The following BLTP3A variants were observed in gnomAD, a reference collection of about 807,000 sequenced individuals.
BLTP3A encodes ICBP90 binding protein 1.
the BLTP3A span, chr6:34,863,955 A>G: frequency 6.6e-7 from 1 of 1,524,942 alleles, no homozygotes; most frequent in East Asian, 2.3e-5. Flanking sequence ...GGGAATAAAC[A>G]TGTCTCCAAA....
the BLTP3A span, chr6:34,872,585 C>A: frequency 9.8e-7 from 1 of 1,015,960 alleles, no homozygotes; most frequent in Non-Finnish European, 1.4e-6. Flanking sequence ...TGTGGGTGTG[C>A]TTTCCACTAG....
chr6:34,834,452 AAGTC>A, the BLTP3A span: 2 of 1,599,236 alleles, frequency 1.3e-6, no homozygotes, highest in Non-Finnish European at 1.7e-6. Context: ...GGAATATTCA[AAGTC>A]AGACTGATTC....
chr6:34,828,321 C>T, the BLTP3A span, among the ~76,000 whole-genome samples: 3 of 151,616 alleles, frequency 2.0e-5, no homozygotes, highest in Non-Finnish European at 2.9e-5. Context: ...CATGGTGGCA[C>T]GCGCCTGTAA....
At chr6:34,835,221 A>G in the BLTP3A span, 1 of 1,517,602 alleles carries the variant, frequency 6.6e-7, no homozygotes, top group Non-Finnish European at 9.0e-7. Context: ...TCTGAAACTG[A>G]TTGGGCAACA....
chr6:34,820,426 T>G, the BLTP3A span, among the ~76,000 whole-genome samples: 3 of 152,136 alleles, frequency 2.0e-5, no homozygotes, highest in South Asian at 6.2e-4. Flanking sequence ...TGTCAGTTAC[T>G]GTTGTCAAAT....
the BLTP3A span, among the ~76,000 whole-genome samples, chr6:34,811,309 A>G: frequency 1.3e-5 from 2 of 152,238 alleles, no homozygotes; most frequent in Non-Finnish European, 2.9e-5. Context: ...AAAAAGACCT[A>G]GAATGGTCAG....
At chr6:34,858,574 C>T in the BLTP3A span, 41 of 1,614,182 alleles carry the variant, frequency 2.5e-5, no homozygotes, top group Admixed American at 1.3e-4. Context: ...AGCCCAGGCA[C>T]GGAAGCTTCT....
chr6:34,840,326 G>T, the BLTP3A span, among the ~76,000 whole-genome samples: 1 of 151,710 alleles, frequency 6.6e-6, no homozygotes, highest in Non-Finnish European at 1.5e-5. Flanking sequence ...CCAAAGGCGG[G>T]TGGGTCACCT....
At chr6:34,860,033 A>G in the BLTP3A span, among the ~76,000 whole-genome samples, 1 of 152,170 alleles carries the variant, frequency 6.6e-6, no homozygotes, top group Non-Finnish European at 1.5e-5. Flanking sequence ...CAGCCTGGTA[A>G]GGTGGCCTCA....
At chr6:34,822,281 T>C in the BLTP3A span, among the ~76,000 whole-genome samples, 1 of 151,440 alleles carries the variant, frequency 6.6e-6, no homozygotes, top group Non-Finnish European at 1.5e-5. Context: ...GAGATGGAGT[T>C]TTGCTCTTGT....
the BLTP3A span, among the ~76,000 whole-genome samples, chr6:34,819,469 A>T: frequency 2.6e-5 from 4 of 152,156 alleles, no homozygotes; most frequent in South Asian, 8.3e-4. Context: ...GCTAAGAGAT[A>T]TGTGGGCCAG....
chr6:34,807,737 TC>T, the BLTP3A span, among the ~76,000 whole-genome samples: 1 of 152,126 alleles, frequency 6.6e-6, no homozygotes, highest in Non-Finnish European at 1.5e-5. Flanking sequence ...TATGGGAATA[TC>T]TGTCAAAATA....
At chr6:34,877,484 G>GA in the BLTP3A span, 1 of 152,462 alleles carries the variant, frequency 6.6e-6, no homozygotes. Flanking sequence ...TGAACCACCT[G>GA]AAAAAACAAA....
the BLTP3A span, chr6:34,859,083 T>G: frequency 6.2e-7 from 1 of 1,614,136 alleles, no homozygotes. Flanking sequence ...CAGAGCTATC[T>G]CCTTCAGAGG....
At chr6:34,847,939 T>TTTTTTTTTTTTTTTTTTTTTTTTTTC in the BLTP3A span, among the ~76,000 whole-genome samples, 1 of 144,924 alleles carries the variant, frequency 6.9e-6, no homozygotes, top group Admixed American at 6.9e-5. Flanking sequence ...TTTTTTTTTT[T>TTTTTTTTTTTTTTTTTTTTTTTTTTC]TGAGATAGCC....
At chr6:34,834,116 A>G in the BLTP3A span, 5 of 1,258,600 alleles carry the variant, frequency 4.0e-6, no homozygotes, top group African/African-American at 7.6e-5. Context: ...AAATAAAAAG[A>G]CTACTGTATT....
At chr6:34,822,481 C>T in the BLTP3A span, among the ~76,000 whole-genome samples, 1 of 152,114 alleles carries the variant, frequency 6.6e-6, no homozygotes, top group Non-Finnish European at 1.5e-5. Flanking sequence ...TCAGGTGATC[C>T]ACCCGTCTCA....
At chr6:34,832,123 C>CTTT in the BLTP3A span, among the ~76,000 whole-genome samples, 2 of 141,886 alleles carry the variant, frequency 1.4e-5, no homozygotes, top group Admixed American at 7.1e-5. Flanking sequence ...TTTTTTCTTT[C>CTTT]TTTTTTTTTT....
At chr6:34,858,619 A>G in the BLTP3A span, 1 of 1,614,124 alleles carries the variant, frequency 6.2e-7, no homozygotes, top group Non-Finnish European at 8.5e-7. Flanking sequence ...ACCATCAGCC[A>G]GTTTTGGAAG....
Sources: allele counts gnomAD v4.1 joint callset (sites outside exome capture counted in the v4.1 genomes callset), GRCh38; gene constraint gnomAD v4.1.1; transcripts MANE v1.5; gene names NCBI Gene and HGNC (gene_info 2026-07-23, HGNC 2026-07-21).